Variants in BABAM2 observed in about 807,000 individuals in gnomAD.
The protein encoded by BABAM2 is BRISC and BRCA1-A complex member 2.
A neutral mutation model predicts 54.7 loss-of-function variants in BABAM2; 31 were observed. The ratio of observed to expected loss-of-function variants is 0.57; its 90% CI spans 0.43 to 0.77. The LOEUF is 0.77. Among genes scored for constraint, BABAM2 ranks in the 30% least tolerant of loss-of-function variants. BABAM2 has a pLI of 0.00. For synonymous variants in BABAM2, 167 were observed against 162.9 expected (o/e 1.03, Z -0.19); for missense variants, 364 against 455.8 (o/e 0.80, Z 1.83).
At chr2:28,113,871 T>C (rs10165870) in intron 6 of BABAM2, among the ~76,000 whole-genome samples, 11,887 of 152,190 alleles carry the variant, frequency 0.078, 683 homozygotes, top group African/African-American at 0.16. Flanking sequence ...ACATCCCTTG[T>C]AAGTTGTATT....
chr2:27,934,786 C>G (rs1455409645), intron 3 of BABAM2, among the ~76,000 whole-genome samples: 1 of 152,188 alleles, frequency 6.6e-6, no homozygotes, highest in Non-Finnish European at 1.5e-5. Flanking sequence ...CACAAGATTC[C>G]CTTAAGCCAA....
At chr2:28,018,009 C>A (rs1347009194) in intron 4 of BABAM2, among the ~76,000 whole-genome samples, 1 of 152,054 alleles carries the variant, frequency 6.6e-6, no homozygotes, top group Non-Finnish European at 1.5e-5. Flanking sequence ...TTTTGTATTT[C>A]AGTAGGTTTT....
chr2:27,908,269 A>AT (rs1312618964), intron 2 of BABAM2, among the ~76,000 whole-genome samples: 39 of 147,680 alleles, frequency 2.6e-4, no homozygotes, highest in African/African-American at 5.0e-4. Flanking sequence ...TTTAAAAACA[A>AT]TTTTTTTTTT....
intron 4 of BABAM2, among the ~76,000 whole-genome samples, chr2:28,017,428 A>G (rs1021340642): frequency 3.3e-5 from 5 of 152,212 alleles, no homozygotes; most frequent in African/African-American, 9.7e-5. Context: ...ATTCATGATT[A>G]TAGACATTAG....
At chr2:28,129,867 G>C (rs1669874572) in intron 7 of BABAM2, among the ~76,000 whole-genome samples, 1 of 152,224 alleles carries the variant, frequency 6.6e-6, no homozygotes, top group Non-Finnish European at 1.5e-5. Context: ...TTATTTTGCT[G>C]CATCGAAATA....
At chr2:28,041,707 A>G (rs1046903110) in intron 5 of BABAM2, among the ~76,000 whole-genome samples, 1 of 152,110 alleles carries the variant, frequency 6.6e-6, no homozygotes, top group African/African-American at 2.4e-5. Flanking sequence ...TCAGTTCCAC[A>G]TGGTTTGTTT....
chr2:27,937,159 T>G (rs1668545418), intron 3 of BABAM2, among the ~76,000 whole-genome samples: 1 of 152,222 alleles, frequency 6.6e-6, no homozygotes. Flanking sequence ...TGCCTTATGT[T>G]TGTACTTTAA....
chr2:28,110,300 C>T (rs975114086), intron 6 of BABAM2, among the ~76,000 whole-genome samples: 1 of 152,150 alleles, frequency 6.6e-6, no homozygotes, highest in African/African-American at 2.4e-5. Flanking sequence ...GTTGCTTCTA[C>T]TTTTTAGCTA....
chr2:28,193,176 A>G (rs1471350552), intron 7 of BABAM2, among the ~76,000 whole-genome samples: 1 of 152,186 alleles, frequency 6.6e-6, no homozygotes, highest in Non-Finnish European at 1.5e-5. Flanking sequence ...GTCTCAAAAA[A>G]GAAACAAAGA....
At chr2:28,235,578 G>A (rs4233722) in intron 7 of BABAM2, among the ~76,000 whole-genome samples, 146,889 of 152,290 alleles carry the variant, frequency 0.96, 71,060 homozygotes, top group Middle Eastern at 1. Flanking sequence ...ATACATATAT[G>A]TGCACATTCA....
rs77429889 is a variant in BABAM2 at position 28,185,570 on chromosome 2, A to G, written c.681-51632A>G. Among the ~76,000 whole-genome samples the G allele has an allele frequency of 1.7e-3, 258 of 152,220 alleles. 8 individuals carry two copies. In the East Asian group the frequency reaches 0.041, roughly 24 times the overall value. ...TTCTGTTCCTTTCACTGAGACTTTT[A>G]TCTCGATGCATTTTTTTGTATAAGT... is the stretch of plus-strand genomic sequence containing the variant. On this transcript the variant is annotated intron_variant, in intron 7 of 11. Coordinates refer to ENST00000379624, the MANE Select transcript of BABAM2 (RefSeq NM_199191.3).
intron 3 of BABAM2, among the ~76,000 whole-genome samples, chr2:27,970,533 A>G (rs978006793): frequency 2.6e-5 from 4 of 152,144 alleles, no homozygotes; most frequent in Non-Finnish European, 2.9e-5. Context: ...GTAAGTTGCA[A>G]ATATTTTCAT....
At chr2:28,281,410 A>G (rs1686346634) in intron 10 of BABAM2, among the ~76,000 whole-genome samples, 1 of 152,246 alleles carries the variant, frequency 6.6e-6, no homozygotes, top group Admixed American at 6.5e-5. Context: ...ACTTTAAAAA[A>G]TATACATTCC....
intron 1 of BABAM2, 38 bp from the exon 2 acceptor site, chr2:27,894,495 T>A (rs1665127894): frequency 6.3e-7 from 1 of 1,586,942 alleles, no homozygotes; most frequent in South Asian, 1.1e-5. Flanking sequence ...CTAGTCCATT[T>A]GTAAGCCCTG....
At chr2:27,953,562 G>A (rs1429674833) in intron 3 of BABAM2, among the ~76,000 whole-genome samples, 1 of 151,362 alleles carries the variant, frequency 6.6e-6, no homozygotes, top group Non-Finnish European at 1.5e-5. Context: ...AAAGTGCTGG[G>A]ATTATAGGCA....
intron 3 of BABAM2, among the ~76,000 whole-genome samples, chr2:27,978,372 A>G (rs893346998): frequency 1.3e-5 from 2 of 152,220 alleles, no homozygotes; most frequent in Non-Finnish European, 2.9e-5. Flanking sequence ...AGCCTGCAGA[A>G]CTGTGAGCCA....
At chr2:28,254,640 A>G (rs1015587082) in intron 10 of BABAM2, among the ~76,000 whole-genome samples, 1 of 151,324 alleles carries the variant, frequency 6.6e-6, no homozygotes, top group Admixed American at 6.6e-5. Flanking sequence ...CTCCTTTTTA[A>G]TTTCCTGAAT....
intron 4 of BABAM2, among the ~76,000 whole-genome samples, chr2:28,005,891 CT>C (rs1278449418): frequency 2.6e-5 from 4 of 152,066 alleles, no homozygotes; most frequent in Non-Finnish European, 5.9e-5. Flanking sequence ...GACACTTCAT[CT>C]GTAAATATTT....
intron 10 of BABAM2, among the ~76,000 whole-genome samples, chr2:28,247,534 G>A (rs1467262855): frequency 6.6e-6 from 1 of 152,064 alleles, no homozygotes; most frequent in Non-Finnish European, 1.5e-5. Context: ...AATATGAGGT[G>A]GCAGAGACTT....
Sources: allele counts gnomAD v4.1 joint callset (sites outside exome capture counted in the v4.1 genomes callset), GRCh38; gene constraint gnomAD v4.1.1; transcripts MANE v1.5; gene names NCBI Gene and HGNC (gene_info 2026-07-23, HGNC 2026-07-21).